DNAH3: variants seen among roughly 807,000 people sequenced by gnomAD.
The protein encoded by DNAH3 is dynein axonemal heavy chain 3.
Under a neutral mutation model 432.5 loss-of-function variants are expected in DNAH3, and 332 were observed. The ratio of observed to expected loss-of-function variants is 0.77; its 90% CI spans 0.70 to 0.84. The LOEUF is 0.84. Among genes scored for constraint, DNAH3 ranks in the 40% least tolerant of loss-of-function variants. DNAH3 has a pLI of 0.00. For synonymous variants in DNAH3, 1,956 were observed against 1,900.2 expected, an observed-to-expected ratio of 1.03 and a Z score of -0.76; for missense variants, 4,861 against 5,114.0, an observed-to-expected ratio of 0.95 and a Z score of 1.51.
intron 18 of DNAH3, among the ~76,000 whole-genome samples, chr16:21,090,205 A>C (rs1001056031): frequency 2.6e-5 from 4 of 152,048 alleles, no homozygotes; most frequent in African/African-American, 9.6e-5. Flanking sequence ...AAAATATAAA[A>C]ACTTCAGAAT....
intron 11 of DNAH3, among the ~76,000 whole-genome samples, chr16:21,119,350 G>A (rs1012219357): frequency 1.3e-5 from 2 of 152,086 alleles, no homozygotes; most frequent in African/African-American, 2.4e-5. Flanking sequence ...AATCGCATTC[G>A]GCCGGGTGTG....
At chr16:21,069,644 C>G (rs1304286402) in intron 22 of DNAH3, 50 bp from the exon 23 acceptor site, 1 of 1,515,412 alleles carries the variant, frequency 6.6e-7, no homozygotes, top group African/African-American at 1.4e-5. Flanking sequence ...CACTCTGCAT[C>G]ACAGGCCCAT....
At chr16:20,963,896 T>C (rs1399637732) in exon 53 of DNAH3, 9 of 1,613,930 alleles carry the variant, frequency 5.6e-6, no homozygotes, top group African/African-American at 1.3e-5. Context: ...AAGGAATGCA[T>C]GTAGAGATTT....
At chr16:21,154,204 G>A (rs978744201) in intron 1 of DNAH3, among the ~76,000 whole-genome samples, 6 of 152,210 alleles carry the variant, frequency 3.9e-5, no homozygotes, top group Admixed American at 2.0e-4. Flanking sequence ...AGGGGTTCAA[G>A]ACCAACCTGG....
chr16:21,045,925 G>T (rs1165879046), intron 31 of DNAH3, among the ~76,000 whole-genome samples: 1 of 144,710 alleles, frequency 6.9e-6, no homozygotes, highest in Non-Finnish European at 1.5e-5. Flanking sequence ...CCTTCATTTC[G>T]TTATGTACCC....
chr16:21,152,106 C>T (rs2092858836), intron 1 of DNAH3, among the ~76,000 whole-genome samples: 1 of 151,914 alleles, frequency 6.6e-6, no homozygotes, highest in African/African-American at 2.4e-5. Context: ...TGGTGGTAGT[C>T]GCCTGTAATC....
At chr16:21,027,228 T>A in intron 37 of DNAH3, 101 bp from the exon 38 acceptor site, 1 of 831,176 alleles carries the variant, frequency 1.2e-6, no homozygotes, top group Non-Finnish European at 2.0e-6. Context: ...ATTCATTCCA[T>A]AAATATTTCT....
intron 9 of DNAH3, among the ~76,000 whole-genome samples, chr16:21,124,739 G>A (rs897471329): frequency 1.3e-4 from 19 of 151,484 alleles, no homozygotes; most frequent in South Asian, 6.2e-4. Flanking sequence ...AACTTCCGCC[G>A]CCTGGGTTCA....
chr16:20,993,107 C>T (rs2086627024), intron 44 of DNAH3, among the ~76,000 whole-genome samples: 1 of 152,136 alleles, frequency 6.6e-6, no homozygotes, highest in Non-Finnish European at 1.5e-5. Context: ...CTCAAGCGAT[C>T]CACCCTCCTC....
chr16:21,070,881 T>C, intron 21 of DNAH3, 55 bp from the exon 22 acceptor site: 1 of 1,151,256 alleles, frequency 8.7e-7, no homozygotes, highest in South Asian at 1.3e-5. Flanking sequence ...CCATTTTTCT[T>C]TTCCTTTTTT....
chr16:21,128,551 C>G (rs7204712), intron 7 of DNAH3, among the ~76,000 whole-genome samples: 3,473 of 151,910 alleles, frequency 0.023, 129 homozygotes, highest in African/African-American at 0.078. Flanking sequence ...AAAAATTAGC[C>G]GGGTGTGGTG....
chr16:21,140,673 T>C, exon 5 of DNAH3: 4 of 1,614,122 alleles, frequency 2.5e-6, no homozygotes, highest in Non-Finnish European at 3.4e-6. Context: ...TCCTTCTTCA[T>C]GGGTGAGAAG....
chr16:21,125,247 G>A (rs761496720), exon 9 of DNAH3: 1 of 1,613,910 alleles, frequency 6.2e-7, no homozygotes, highest in Non-Finnish European at 8.5e-7. Flanking sequence ...GCAGCGACAT[G>A]AATGATGCCA....
At chr16:21,134,337 C>T (rs1312931753) in exon 7 of DNAH3, 1 of 1,614,154 alleles carries the variant, frequency 6.2e-7, no homozygotes, top group South Asian at 1.1e-5. Flanking sequence ...CTTCTTGGCG[C>T]TCCTGTAGAC....
rs1362265580 is a variant in DNAH3, at chr16:20,966,037, T to A, written c.8459-612A>T. Among the ~76,000 whole-genome samples the A allele has an allele frequency of 1.4e-3, 146 of 101,400 alleles. 8 individuals carry two copies. The South Asian group carries it at 0.052, about 36-fold the overall frequency. 66.5% of individuals were successfully genotyped at this position (101,400 alleles called of 152,430 possible). ...CAATTTTTTTTTTTTTTTTTTTTTTTTTTTTTTTTTTTTTTTTGAGATGGA... is the reference window on the plus strand; with the variant it reads ...CAATTTTTTTTTTTTTTTTTTTTTTATTTTTTTTTTTTTTTTTGAGATGGA... On this transcript the variant is annotated intron_variant, in intron 52 of 61. Transcript: ENST00000261383.
chr16:20,979,587 T>C (rs2152656527), intron 49 of DNAH3, 41 bp from the exon 50 acceptor site: 2 of 1,570,132 alleles, frequency 1.3e-6, no homozygotes, highest in Non-Finnish European at 1.8e-6. Flanking sequence ...ACCCAACATC[T>C]TCCAGGGAGA....
At chr16:20,964,763 G>A in exon 53 of DNAH3, 3 of 1,614,110 alleles carry the variant, frequency 1.9e-6, no homozygotes, top group Non-Finnish European at 2.5e-6. Flanking sequence ...GTGTGGCTGA[G>A]ACTGAAGTCA....
At chr16:21,040,407 C>T (rs1009160903) in intron 32 of DNAH3, among the ~76,000 whole-genome samples, 9 of 131,360 alleles carry the variant, frequency 6.9e-5, no homozygotes, top group Non-Finnish European at 1.4e-4. Context: ...CTCTGTCACC[C>T]AGGCTGGAGG....
chr16:21,023,243 A>G (rs1164535266), intron 39 of DNAH3, among the ~76,000 whole-genome samples: 1 of 152,210 alleles, frequency 6.6e-6, no homozygotes, highest in African/African-American at 2.4e-5. Flanking sequence ...ATAAATATTT[A>G]TTGAGCATCT....
Sources: gnomAD v4.1 joint callset for allele counts (sites outside exome capture counted in the v4.1 genomes callset) on GRCh38, gnomAD v4.1.1 for gene constraint, MANE v1.5 for transcripts, NCBI Gene and HGNC (gene_info 2026-07-23, HGNC 2026-07-21) for gene names.